The following GPHN variants were observed in gnomAD, a reference collection of about 807,000 sequenced individuals.
The protein encoded by GPHN is gephyrin.
GPHN carries 17 observed loss-of-function variants against 95.5 expected under a neutral mutation model. The observed-to-expected ratio is 0.18, with a 90% CI of 0.12 to 0.27. The LOEUF (loss-of-function observed/expected upper bound fraction) is 0.27. Among genes scored for constraint, GPHN ranks in the 10% least tolerant of loss-of-function variants. GPHN has a pLI of 1.00. For missense variants in GPHN, 660 were observed against 978.1 expected, an observed-to-expected ratio of 0.67 and a Z score of 4.34; for synonymous variants, 320 against 322.5, an observed-to-expected ratio of 0.99 and a Z score of 0.08.
At chr14:67,645,725 AAC>A in the GPHN span, 4 of 1,613,880 alleles carry the variant, frequency 2.5e-6, no homozygotes, top group African/African-American at 5.3e-5. Context: ...TGCTGACATC[AAC>A]ACACCCCTTA....
intron 17 of GPHN, among the ~76,000 whole-genome samples, chr14:67,135,009 G>A (rs2079983741): frequency 8.2e-6 from 1 of 121,342 alleles, no homozygotes; most frequent in Non-Finnish European, 1.6e-5. Flanking sequence ...ACCCAGGCTG[G>A]AGTGCAATGG....
chr14:67,258,966 C>A, the GPHN span, among the ~76,000 whole-genome samples: 162 of 152,112 alleles, frequency 1.1e-3, no homozygotes, highest in African/African-American at 3.7e-3. Flanking sequence ...CCTCACCCTC[C>A]CGAGTAGCTG....
chr14:67,607,887 G>A, the GPHN span, among the ~76,000 whole-genome samples: 3 of 152,196 alleles, frequency 2.0e-5, no homozygotes, highest in Non-Finnish European at 4.4e-5. Flanking sequence ...GAGGTATCCA[G>A]TAGGGCCTTT....
At chr14:66,736,417 A>C (rs1367527849) in intron 2 of GPHN, among the ~76,000 whole-genome samples, 1 of 97,494 alleles carries the variant, frequency 1.0e-5, no homozygotes, top group Non-Finnish European at 2.0e-5. Context: ...TTTTTTTTTG[A>C]GATGGAGTTT....
chr14:66,678,267 A>G (rs2066726877), intron 1 of GPHN, among the ~76,000 whole-genome samples: 1 of 135,288 alleles, frequency 7.4e-6, no homozygotes, highest in African/African-American at 3.4e-5. Flanking sequence ...ATGTAGGTTT[A>G]TTCATTCTTT....
chr14:67,207,871 G>A, the GPHN span, among the ~76,000 whole-genome samples: 1 of 152,150 alleles, frequency 6.6e-6, no homozygotes, highest in Non-Finnish European at 1.5e-5. Context: ...GGGAATCAGT[G>A]GCATTTCTGG....
intron 1 of GPHN, among the ~76,000 whole-genome samples, chr14:66,670,746 C>A (rs568162954): frequency 6.6e-6 from 1 of 152,234 alleles, no homozygotes; most frequent in South Asian, 2.1e-4. Flanking sequence ...GAGCCGAGAT[C>A]GCACCACTGC....
intron 8 of GPHN, among the ~76,000 whole-genome samples, chr14:66,931,403 G>C (rs2066790220): frequency 6.6e-6 from 1 of 151,908 alleles, no homozygotes; most frequent in Non-Finnish European, 1.5e-5. Context: ...TCTATGTTTT[G>C]AAAGATCTTT....
intron 1 of GPHN, among the ~76,000 whole-genome samples, chr14:66,560,276 G>A (rs2140267517): frequency 6.6e-6 from 1 of 152,272 alleles, no homozygotes; most frequent in Middle Eastern, 3.4e-3. Context: ...ATTCTGTGAA[G>A]AAAGTCATTG....
intron 3 of GPHN, among the ~76,000 whole-genome samples, chr14:66,819,604 T>C (rs182572896): frequency 2.0e-5 from 3 of 152,258 alleles, no homozygotes; most frequent in Non-Finnish European, 2.9e-5. Flanking sequence ...GCCTCCAGCT[T>C]TGTTTTTTTG....
intron 17 of GPHN, among the ~76,000 whole-genome samples, chr14:67,140,060 G>C (rs1266649133): frequency 3.3e-5 from 5 of 151,930 alleles, no homozygotes. Flanking sequence ...TCACAAAATA[G>C]GAAAAAAACA....
chr14:67,272,237 T>A, the GPHN span, among the ~76,000 whole-genome samples: 1 of 152,210 alleles, frequency 6.6e-6, no homozygotes, highest in Non-Finnish European at 1.5e-5. Flanking sequence ...AATCAAACTT[T>A]CTAGTCCTAT....
chr14:67,254,231 C>T, the GPHN span: 6 of 134,016 alleles, frequency 4.5e-5, no homozygotes, highest in Admixed American at 3.3e-4. Context: ...GATACGGACT[C>T]TGCCTCAGCA....
the GPHN span, among the ~76,000 whole-genome samples, chr14:67,523,300 G>A: frequency 4.7e-5 from 7 of 148,772 alleles, no homozygotes; most frequent in East Asian, 4.0e-4. Flanking sequence ...CTCCACCTGG[G>A]TTACAGAGTA....
At chr14:66,508,647 G>T in intron 1 of GPHN, 56 bp downstream of exon 1, 1 of 1,460,582 alleles carries the variant, frequency 6.8e-7, no homozygotes, top group Non-Finnish European at 9.6e-7. Context: ...CATTGCCTTA[G>T]GCTTTTCGCC....
At chr14:67,360,905 A>G in the GPHN span, among the ~76,000 whole-genome samples, 5 of 152,110 alleles carry the variant, frequency 3.3e-5, no homozygotes, top group East Asian at 9.6e-4. Flanking sequence ...GTGGAAACCA[A>G]ACTGGCCTCT....
intron 2 of GPHN, among the ~76,000 whole-genome samples, chr14:66,753,858 A>C (rs764878914): frequency 1.3e-4 from 20 of 152,032 alleles, no homozygotes; most frequent in Non-Finnish European, 1.3e-4. Context: ...ATTACCAGTC[A>C]CTTTTTTTCT....
chr14:67,165,334 T>G, intron 20 of GPHN, 108 bp downstream of exon 20: 1 of 729,252 alleles, frequency 1.4e-6, no homozygotes. Flanking sequence ...TGGGCTCAAG[T>G]CTCAGCTTTT....
At chr14:66,883,431 TA>T (rs1266710232) in intron 5 of GPHN, among the ~76,000 whole-genome samples, 3 of 152,056 alleles carry the variant, frequency 2.0e-5, no homozygotes, top group Admixed American at 1.3e-4. Context: ...TATTGCCCTT[TA>T]TGTCATGGAG....
Sources: allele counts gnomAD v4.1 joint callset (sites outside exome capture counted in the v4.1 genomes callset), GRCh38; gene constraint gnomAD v4.1.1; transcripts MANE v1.5; gene names NCBI Gene and HGNC (gene_info 2026-07-23, HGNC 2026-07-21).